The following MSLN variants were observed in gnomAD, a reference collection of about 807,000 sequenced individuals.
The protein encoded by MSLN is mesothelin, also known as CAK1 antigen.
A neutral mutation model predicts 72.6 loss-of-function variants in MSLN; 82 were observed. The observed-to-expected ratio is 1.13, with a 90% CI of 0.94 to 1.36. The LOEUF (loss-of-function observed/expected upper bound fraction) is 1.36. MSLN is among the 40% of genes most tolerant of loss of function. The pLI is 0.00. For missense variants in MSLN, 1,005 were observed against 847.9 expected, an observed-to-expected ratio of 1.19 and a Z score of -2.30; for synonymous variants, 456 against 387.3, an observed-to-expected ratio of 1.18 and a Z score of -2.08.
rs779116493 is a variant in MSLN at position 764,057 on chromosome 16, G to A, written c.214G>A (p.Ala72Thr). 1 of 1,604,980 alleles carries A rather than the reference G, an allele frequency of 6.2e-7. No homozygotes were observed. Among genetic ancestry groups the A allele is most frequent in the Admixed American group, 1.7e-5 (1 of 59,992 alleles). The change falls in exon 6 of 18, where the codon GCG becomes ACG. Residue 72 changes from alanine to threonine, a missense_variant. Coordinates refer to ENST00000545450, the MANE Select transcript of MSLN (RefSeq NM_005823.6). The part of the protein sequence containing the change: ...SPRQLLGFPC[A>T]EVSGLSTERV... ...TCGCCAACTCCTTGGCTTCCCGTGT[G>A]CGGAGGTGTCCGGCCTGAGCACGGA...
chr16:763,692 G>A lies in MSLN; in HGVS notation c.179+1G>A, dbSNP rs199957450. On this transcript the variant is annotated splice_donor_variant, in intron 5 of 17. Transcript: ENST00000545450. LOFTEE classifies it high-confidence loss of function. Reference sequence around the variant, plus strand: ...TGGCCAACCCACCTAACATTTCCAGGTGGGTCTGGGGTCCTCACAGTCCTC... The same window carrying A: ...TGGCCAACCCACCTAACATTTCCAGATGGGTCTGGGGTCCTCACAGTCCTC... 9.0e-5 allele frequency: 118 copies of A among 1,306,578 alleles called. 1 individual carries two copies. The highest frequency in any genetic ancestry group is 9.4e-5 in the Non-Finnish European group (96 of 1,019,836). 80.9% of individuals were successfully genotyped at this position (1,306,578 alleles called of 1,614,324 possible).
At chr16:764,780 C>G in intron 7 of MSLN, 54 bp downstream of exon 7, 3 of 1,578,614 alleles carry the variant, frequency 1.9e-6, no homozygotes, top group Non-Finnish European at 2.6e-6. Flanking sequence ...AGCCCTCAGC[C>G]CCCAACCCCC....
chr16:764,796 C>T, intron 7 of MSLN, 70 bp downstream of exon 7: 1 of 1,577,654 alleles, frequency 6.3e-7, no homozygotes, highest in Non-Finnish European at 8.6e-7. Context: ...CCCCCTGCCC[C>T]TTGCCTCGGA....
At chr16:763,336 C>A in intron 4 of MSLN, 60 bp downstream of exon 4, 1 of 1,353,584 alleles carries the variant, frequency 7.4e-7, no homozygotes, top group Non-Finnish European at 1.0e-6. Context: ...GGGTGCCATG[C>A]TGTGTTCTCT....
chr16:761,326 G>GCAGA (rs2041534172), intron 2 of MSLN, among the ~76,000 whole-genome samples, 152 bp downstream of exon 2: 1 of 152,224 alleles, frequency 6.6e-6, no homozygotes, highest in African/African-American at 2.4e-5. Context: ...CAGGGCACAC[G>GCAGA]CAGACCCATT....
rs781444235 is a variant in MSLN, at chr16:764,676, G to GC, written c.336dup (p.Glu113ArgfsTer69). ...GCTGTCTGGCTCACCGGCTCTCTGA[G>GC]CCCCCCGAGGACCTGGACGCCCTCC... is the stretch of plus-strand genomic sequence containing the variant. On this transcript the variant is annotated frameshift_variant, in exon 7 of 18. Coordinates refer to ENST00000545450, the MANE Select transcript of MSLN (RefSeq NM_005823.6). LOFTEE classifies it high-confidence loss of function. 11 of 1,612,426 alleles carry GC rather than the reference G, an allele frequency of 6.8e-6. No homozygotes were observed. The African/African-American group carries it at 8.0e-5, about 12-fold the overall frequency.
chr16:766,656 C>A lies in MSLN; in HGVS notation c.1231-12C>A, dbSNP rs769685322. On this transcript the variant is annotated splice_polypyrimidine_tract_variant and intron_variant, in intron 13 of 17. Transcript: ENST00000545450. The stretch of plus-strand genomic sequence containing the variant: ...TCCTTGCCACAAGGCTCCTCGGCGG[C>A]CCCTCCCACAGGTGGCCACCCTGAT... 2 of 1,612,200 alleles carry A rather than the reference C, an allele frequency of 1.2e-6. No individual in the cohort carries two copies. The highest frequency in any genetic ancestry group is 2.2e-5 in the South Asian group (2 of 91,072).
Position 764,900 on chromosome 16 carries a change from T to C in MSLN, c.381-7T>C. ...TGCGGCCTGTCCCCAGCACCCTCTCTTCACAGCCCAGATGCGTTCTCGGGG... is the reference window on the plus strand; with the variant it reads ...TGCGGCCTGTCCCCAGCACCCTCTCCTCACAGCCCAGATGCGTTCTCGGGG... On this transcript the variant is annotated splice_region_variant and splice_polypyrimidine_tract_variant and intron_variant, in intron 7 of 17. Transcript: ENST00000545450. 1.9e-6 allele frequency: 3 copies of C among 1,610,818 alleles called. No homozygotes were observed. The highest frequency in any genetic ancestry group is 2.5e-6 in the Non-Finnish European group (3 of 1,179,104).
rs751487664 is a variant in MSLN, at chr16:763,630, C to T, written c.130-12C>T. ...TGGTCTGAGCCATGTTCAGCAGGCC[C>T]TGTGTCCCCAGGAGGCTGCGCCCCT... On this transcript the variant is annotated splice_polypyrimidine_tract_variant and intron_variant, in intron 4 of 17. Coordinates refer to ENST00000545450, the MANE Select transcript of MSLN (RefSeq NM_005823.6). 3 of 1,596,510 alleles carry T rather than the reference C, an allele frequency of 1.9e-6. No homozygotes were observed. Among genetic ancestry groups the T allele is most frequent in the East Asian group, 2.2e-5 (1 of 44,506 alleles).
intron 5 of MSLN, among the ~76,000 whole-genome samples, 162 bp downstream of exon 5, chr16:763,853 C>G (rs550355349): frequency 6.6e-6 from 1 of 152,206 alleles, no homozygotes; most frequent in Non-Finnish European, 1.5e-5. Context: ...TGACACCCCT[C>G]AGGTGATGGC....
chr16:765,892 CATCCCATT>C, intron 11 of MSLN, 102 bp downstream of exon 11: 1 of 1,350,246 alleles, frequency 7.4e-7, no homozygotes, highest in Non-Finnish European at 1.0e-6. Context: ...CTCTGCAGCA[CATCCCATT>C]ATAATCACAG....
rs572667800 is a variant in MSLN at position 762,030 on chromosome 16, G to A, written c.-9-642G>A. ...TTCCCCACCCCACAGTGGCCCACAG[G>A]CCCCACCCTAGAGAGTACAAGGGGC... On this transcript the variant is annotated intron_variant, in intron 2 of 17. Transcript: ENST00000545450. Among the ~76,000 whole-genome samples, 5 of 152,310 alleles carry A rather than the reference G, an allele frequency of 3.3e-5. No individual in the cohort carries two copies. In the South Asian group the frequency reaches 1.0e-3, roughly 32 times the overall value.
intron 2 of MSLN, among the ~76,000 whole-genome samples, chr16:762,317 G>A (rs890149024): frequency 3.0e-4 from 45 of 152,344 alleles, no homozygotes; most frequent in Admixed American, 2.2e-3. Context: ...CCTCCTGTGC[G>A]AGAGTGGGGA....
chr16:768,585 C>T lies in MSLN; in HGVS notation c.1783+20C>T, dbSNP rs1003799814. The T allele has an allele frequency of 1.7e-5, 28 of 1,608,888 alleles. No individual in the cohort carries two copies. The highest frequency in any genetic ancestry group is 5.0e-5 in the Admixed American group (3 of 59,682). ...TGCAAGGTGGGCGGGGCGGCCAGGC[C>T]AGGGCTGGGGGCAGAGCTGGGGGCG... is the stretch of plus-strand genomic sequence containing the variant. On this transcript the variant is annotated intron_variant, in intron 17 of 17. Transcript: ENST00000545450.
chr16:766,127 G>C lies in MSLN; in HGVS notation c.964G>C (p.Glu322Gln), dbSNP rs1484019300. 56 of 1,612,764 alleles carry C rather than the reference G, an allele frequency of 3.5e-5. No individual in the cohort carries two copies. Among genetic ancestry groups the C allele is most frequent in the Non-Finnish European group, 4.7e-5 (55 of 1,179,920 alleles). Residue 322 changes from glutamate (E) to glutamine (Q), a missense_variant, in exon 12 of 18, where the codon GAG (glutamate) becomes CAG (glutamine). Glu to Gln is a conservative substitution (Grantham distance 29). Coordinates refer to ENST00000545450, the MANE Select transcript of MSLN (RefSeq NM_005823.6). Reference protein sequence around the residue: ...DESLIFYKKWELEACVDAALL... With the variant: ...DESLIFYKKWQLEACVDAALL... ...GAGCCTCATCTTCTACAAGAAGTGG[G>C]AGCTGGAAGCCTGCGTGGATGCGGC...
At position 767,407 on chromosome 16, in the gene MSLN, C is replaced by T. The variant is rs72773454; in HGVS notation, c.1533C>T (p.Leu511=). Residue 511 remains leucine (L), a synonymous_variant, in exon 16 of 18, where the codon CTC becomes CTT. Transcript: ENST00000545450. ...CCCCCACGGAGGATTTGAAGGCGCT[C>T]AGTCAGCAGAATGTGAGCATGGACT... is the stretch of plus-strand genomic sequence containing the variant. ...GGAPTEDLKA[L]SQQNVSMDLA... The T allele has an allele frequency of 0.025, 40,542 of 1,603,126 alleles. 2,243 individuals carry two copies. The highest frequency in any genetic ancestry group is 0.21 in the African/African-American group (15,059 of 72,180).
chr16:761,850 G>A (rs912818675), intron 2 of MSLN, among the ~76,000 whole-genome samples: 43 of 152,368 alleles, frequency 2.8e-4, no homozygotes, highest in Non-Finnish European at 5.0e-4. Context: ...TGGACCCACC[G>A]GGCCTGGGCC....
chr16:767,540 G>A lies in MSLN; in HGVS notation c.1596+70G>A, dbSNP rs111730032. 176 of 442,964 alleles carry A rather than the reference G, an allele frequency of 4.0e-4. 9 individuals carry two copies. The Admixed American group carries it at 0.011, about 29-fold the overall frequency. The allele number at this position is 442,964 out of a possible 1,614,324, so 27.4% of individuals were successfully genotyped here. A position where few individuals can be genotyped will look rare whatever the true frequency, so the allele number is the denominator to read the frequency against. The stretch of plus-strand genomic sequence containing the variant: ...AGGAGGGGCGAGTGGGAGGAGGGGC[G>A]CGTGGAGGGGGGGCGTGTGGGGGGG... On this transcript the variant is annotated intron_variant, in intron 16 of 17. Coordinates refer to ENST00000545450, the MANE Select transcript of MSLN (RefSeq NM_005823.6).
rs375610224 is a variant in MSLN, at chr16:767,366, C to T, written c.1502-10C>T. 147 of 1,610,470 alleles carry T rather than the reference C, an allele frequency of 9.1e-5. 1 individual carries two copies. Among genetic ancestry groups the T allele is most frequent in the African/African-American group, 2.1e-4 (16 of 74,602 alleles). ...GAGGCCTCAGCTCGGGCCCCTCTCC[C>T]GGCGGGCAGGTGGGGCCCCCACGGA... On this transcript the variant is annotated splice_polypyrimidine_tract_variant and intron_variant, in intron 15 of 17. Transcript: ENST00000545450.
Sources: gnomAD v4.1 joint callset for allele counts (sites outside exome capture counted in the v4.1 genomes callset) on GRCh38, gnomAD v4.1.1 for gene constraint, MANE v1.5 for transcripts, NCBI Gene and HGNC (gene_info 2026-07-23, HGNC 2026-07-21) for gene names.